The following CACNG4 variants were observed in gnomAD, a reference collection of about 807,000 sequenced individuals.
CACNG4 encodes voltage-dependent calcium channel gamma-4 subunit.
CACNG4 carries 8 observed loss-of-function variants against 22.9 expected under a neutral mutation model. The ratio of observed to expected loss-of-function variants is 0.35; its 90% CI spans 0.21 to 0.63. The LOEUF is 0.63. CACNG4 is among the 30% of genes least tolerant of loss of function. The pLI is 0.72. For missense variants in CACNG4, 357 were observed against 455.4 expected, an observed-to-expected ratio of 0.78 and a Z score of 1.97; for synonymous variants, 188 against 191.9, an observed-to-expected ratio of 0.98 and a Z score of 0.17.
chr17:67,030,577 A>C lies in CACNG4; in HGVS notation c.557A>C (p.Tyr186Ser), dbSNP rs775650159. The C allele has an allele frequency of 6.2e-7, 1 of 1,614,202 alleles. No homozygotes were observed. The change falls in exon 4 of 4, where the codon TAC (tyrosine) becomes TCC (serine). Residue 186 changes from tyrosine to serine, a missense_variant. By Grantham distance (144) the Tyr-to-Ser change is moderately radical. This residue lies in a region of CACNG4 where 240 missense variants were observed against 277.6 expected (regional missense o/e 0.86). Transcript: ENST00000262138. This position sits in a 1 kb window ranked among gnomAD's most constrained non-coding sequence, Gnocchi z 6.4. ...CATTACAACTACGGCTGGTCTTTTT[A>C]CTTTGGAGCTCTGTCTTTCATTGTG... The part of the protein sequence containing the change: ...KNHYNYGWSF[Y>S]FGALSFIVAE...
At chr17:67,019,637 G>A (rs2035520270) in intron 2 of CACNG4, among the ~76,000 whole-genome samples, 1 of 152,198 alleles carries the variant, frequency 6.6e-6, no homozygotes, top group African/African-American at 2.4e-5. Flanking sequence ...CCCAATCCAG[G>A]GCAATCAGGT....
chr17:67,026,080 G>A (rs535652423), intron 3 of CACNG4, among the ~76,000 whole-genome samples: 2 of 151,826 alleles, frequency 1.3e-5, no homozygotes, highest in South Asian at 2.1e-4. Flanking sequence ...TTTGAGGACT[G>A]TGGTGTGTTT....
Position 66,965,186 on chromosome 17 carries a change from ATATACACACGCGCGCGCGCGCGCGCG to A in CACNG4, c.220+56_220+81del, listed in dbSNP as rs1267613238. The A allele has an allele frequency of 1.7e-3, 1,444 of 837,632 alleles. 26 individuals are homozygous for A. Among genetic ancestry groups the A allele is most frequent in the African/African-American group, 0.01 (455 of 44,428 alleles). 51.9% of individuals were successfully genotyped at this position (837,632 alleles called of 1,614,324 possible). On this transcript the variant is annotated intron_variant, in intron 1 of 3. Transcript: ENST00000262138. Reference sequence around the variant, plus strand: ...CACACACACACACACACACACACACATATACACACGCGCGCGCGCGCGCGCGCACACACACACACGCGCACACACTG... The same window carrying A: ...CACACACACACACACACACACACACACACACACACACACGCGCACACACTG...
chr17:66,989,512 A>T (rs755160974), intron 1 of CACNG4, among the ~76,000 whole-genome samples: 2 of 150,342 alleles, frequency 1.3e-5, no homozygotes, highest in Non-Finnish European at 3.0e-5. Flanking sequence ...TGACACTTTG[A>T]TGTTGGACTT....
At position 67,030,866 on chromosome 17, in the gene CACNG4, G is replaced by A. The variant is rs758837757; in HGVS notation, c.846G>A (p.Glu282=). ...GELSMYTLSR[E]PLKVTTAASY... ...TGTCCATGTACACGCTGTCCAGGGA[G>A]CCCCTCAAGGTGACCACCGCAGCCA... Residue 282 remains glutamate, a synonymous_variant, in exon 4 of 4, where the codon GAG becomes GAA. Transcript: ENST00000262138. The surrounding 1 kb of genome is among the most constrained non-coding windows in gnomAD (Gnocchi z 6.4). 4 of 1,613,030 alleles carry A rather than the reference G, an allele frequency of 2.5e-6. No individual in the cohort carries two copies. Among genetic ancestry groups the A allele is most frequent in the Non-Finnish European group, 3.4e-6 (4 of 1,180,014 alleles).
At chr17:66,980,345 C>A (rs1567750634) in intron 1 of CACNG4, among the ~76,000 whole-genome samples, 1 of 152,176 alleles carries the variant, frequency 6.6e-6, no homozygotes, top group Non-Finnish European at 1.5e-5. Context: ...ACCTTTATCA[C>A]ATGTGTAAAC....
At chr17:66,982,163 T>C (rs965552985) in intron 1 of CACNG4, among the ~76,000 whole-genome samples, 1 of 152,236 alleles carries the variant, frequency 6.6e-6, no homozygotes, top group African/African-American at 2.4e-5. Flanking sequence ...AGAACAAGCT[T>C]CCACGAGTGG....
chr17:67,030,868 C>A lies in CACNG4; in HGVS notation c.848C>A (p.Pro283His). Residue 283 changes from proline (P) to histidine (H), a missense_variant, in exon 4 of 4, where the codon CCC (proline) becomes CAC (histidine). By Grantham distance (77) the Pro-to-His change is moderately conservative. Coordinates refer to ENST00000262138, the MANE Select transcript of CACNG4 (RefSeq NM_014405.4). The surrounding 1 kb of genome is among the most constrained non-coding windows in gnomAD (Gnocchi z 6.4). ...TCCATGTACACGCTGTCCAGGGAGCCCCTCAAGGTGACCACCGCAGCCAGC... is the reference window on the plus strand; with the variant it reads ...TCCATGTACACGCTGTCCAGGGAGCACCTCAAGGTGACCACCGCAGCCAGC... ...ELSMYTLSREPLKVTTAASYS... is the reference protein window; with the variant it reads ...ELSMYTLSREHLKVTTAASYS... The A allele has an allele frequency of 1.2e-6, 2 of 1,613,014 alleles. No homozygotes were observed. Among genetic ancestry groups the A allele is most frequent in the South Asian group, 2.2e-5 (2 of 91,068 alleles).
At chr17:66,988,035 TTGTG>T (rs747107768) in intron 1 of CACNG4, among the ~76,000 whole-genome samples, 1 of 149,008 alleles carries the variant, frequency 6.7e-6, no homozygotes, top group African/African-American at 2.5e-5. Context: ...TACATCCTTT[TTGTG>T]TGTGTGTGTG....
intron 1 of CACNG4, among the ~76,000 whole-genome samples, chr17:66,988,861 C>G (rs1443698459): frequency 6.6e-6 from 1 of 152,030 alleles, no homozygotes; most frequent in African/African-American, 2.4e-5. Flanking sequence ...GAATTCAAGA[C>G]CAGCCTGACC....
chr17:66,980,620 C>CTTTTTTTTTTTTTTTTTTTTTTTTTTTT (rs67051865), intron 1 of CACNG4, among the ~76,000 whole-genome samples: 2 of 107,030 alleles, frequency 1.9e-5, no homozygotes, highest in Non-Finnish European at 3.6e-5. Context: ...TGTGTAAATT[C>CTTTTTTTTTTTTTTTTTTTTTTTTTTTT]TTTTTTTTTT....
chr17:67,026,794 CAT>C (rs1491251565), intron 3 of CACNG4, among the ~76,000 whole-genome samples: 6 of 151,538 alleles, frequency 4.0e-5, no homozygotes, highest in Non-Finnish European at 7.4e-5. Context: ...TGTGTGTGCA[CAT>C]GTGTGTGTGT....
chr17:66,975,350 G>A lies in CACNG4; in HGVS notation c.220+10219G>A, dbSNP rs553129936. Among the ~76,000 whole-genome samples, 6 of 152,252 alleles carry A rather than the reference G, an allele frequency of 3.9e-5. No homozygotes were observed. The South Asian group carries it at 1.2e-3, about 32-fold the overall frequency. On this transcript the variant is annotated intron_variant, in intron 1 of 3. Transcript: ENST00000262138. ...AGTCCACATGGAAGCAGCAGCATCA[G>A]ACGGTCAGCATTGAAGCCACATGGC... is the stretch of plus-strand genomic sequence containing the variant.
At chr17:67,001,381 C>G (rs891299655) in intron 1 of CACNG4, among the ~76,000 whole-genome samples, 15 of 152,164 alleles carry the variant, frequency 9.9e-5, no homozygotes, top group African/African-American at 3.6e-4. Context: ...TCCCCTCCCC[C>G]TGGTTCTCTA....
chr17:67,014,107 C>A (rs2035483231), intron 1 of CACNG4, among the ~76,000 whole-genome samples: 1 of 152,160 alleles, frequency 6.6e-6, no homozygotes, highest in Non-Finnish European at 1.5e-5. Flanking sequence ...TCTCTGGGAG[C>A]ACAGCCCAGC....
rs554272847 is a variant in CACNG4 at position 67,008,049 on chromosome 17, G to A, written c.221-10140G>A. On this transcript the variant is annotated intron_variant, in intron 1 of 3. Coordinates refer to ENST00000262138, the MANE Select transcript of CACNG4 (RefSeq NM_014405.4). ...GAAATACAGTGTAGCCGTGTGCACC[G>A]TAAGAAAAGGAAACAGGTTCTAGCA... Among the ~76,000 whole-genome samples the A allele has an allele frequency of 1.5e-4, 23 of 152,278 alleles. 1 individual carries two copies. Among genetic ancestry groups the A allele is most frequent in the South Asian group, 4.1e-4 (2 of 4,822 alleles).
At position 67,031,704 on chromosome 17, in the gene CACNG4, C is replaced by T. The variant is rs1283261743; in HGVS notation, c.*700C>T. On this transcript the variant is annotated 3_prime_UTR_variant, in exon 4 of 4. Coordinates refer to ENST00000262138, the MANE Select transcript of CACNG4 (RefSeq NM_014405.4). This position sits in a 1 kb window ranked among gnomAD's most constrained non-coding sequence, Gnocchi z 4.0. Reference sequence around the variant, plus strand: ...AGGCTGGGGGCTGTTGCTGGCTATCCTCTTTGCTTCTGGAAGTTTCTGCCT... The same window carrying T: ...AGGCTGGGGGCTGTTGCTGGCTATCTTCTTTGCTTCTGGAAGTTTCTGCCT... The T allele has an allele frequency of 6.6e-6, 3 of 456,648 alleles. No homozygotes were observed. The highest frequency in any genetic ancestry group is 6.9e-5 in the East Asian group (1 of 14,400). The allele number at this position is 456,648 out of a possible 1,614,324, so 28.3% of individuals were successfully genotyped here.
At chr17:67,019,628 C>T (rs1318627411) in intron 2 of CACNG4, among the ~76,000 whole-genome samples, 2 of 152,208 alleles carry the variant, frequency 1.3e-5, no homozygotes, top group Non-Finnish European at 2.9e-5. Context: ...CTTTCTCTGC[C>T]CAATCCAGGG....
At chr17:66,965,192 A>ACG (rs1195502090) in intron 1 of CACNG4, 61 bp downstream of exon 1, 108 of 998,606 alleles carry the variant, frequency 1.1e-4, no homozygotes, top group South Asian at 7.7e-4. Context: ...ACACATATAC[A>ACG]CACGCGCGCG....
Sources: gnomAD v4.1 joint callset for allele counts (sites outside exome capture counted in the v4.1 genomes callset) on GRCh38, gnomAD v4.1.1 for gene constraint, gnomAD v4.1.1 regional missense constraint, Gnocchi (gnomAD v3.1) non-coding constraint, MANE v1.5 for transcripts, NCBI Gene and HGNC (gene_info 2026-07-23, HGNC 2026-07-21) for gene names.